Variants in TRIM24 observed in about 807,000 individuals in gnomAD.
TRIM24 encodes transcription intermediary factor 1-alpha.
A neutral mutation model predicts 123.9 loss-of-function variants in TRIM24; 29 were observed. The observed-to-expected ratio is 0.23, with a 90% CI of 0.17 to 0.32. TRIM24 has a LOEUF of 0.32. Among genes scored for constraint, TRIM24 ranks in the 10% least tolerant of loss-of-function variants. TRIM24 has a pLI of 1.00. For synonymous variants in TRIM24, 456 were observed against 461.1 expected (o/e 0.99, Z 0.14); for missense variants, 932 against 1,295.3 (o/e 0.72, Z 4.31).
In TRIM24 at chr7:138,579,539, T is replaced by C. The variant is rs375874698; in HGVS notation, c.2585+7T>C. On this transcript the variant is annotated splice_region_variant and intron_variant, in intron 15 of 18. Transcript: ENST00000343526. ...CATTGACAAATTTTCCAAGGTAAGA[T>C]AGTACTTCCCTTCCCACATTCTTTT... 1.3e-6 allele frequency: 2 copies of C among 1,577,720 alleles called. No individual in the cohort carries two copies. The highest frequency in any genetic ancestry group is 1.7e-6 in the Non-Finnish European group (2 of 1,158,814).
At chr7:138,464,653 CATAAAT>C (rs1394822664) in intron 1 of TRIM24, among the ~76,000 whole-genome samples, 2 of 152,090 alleles carry the variant, frequency 1.3e-5, no homozygotes. Flanking sequence ...TATTTATACA[CATAAAT>C]ATATATACAC....
At chr7:138,575,717 C>T (rs1031462686) in intron 12 of TRIM24, among the ~76,000 whole-genome samples, 1 of 151,808 alleles carries the variant, frequency 6.6e-6, no homozygotes. Flanking sequence ...CAACAGTTTT[C>T]CTTCTTTCTT....
intron 1 of TRIM24, among the ~76,000 whole-genome samples, chr7:138,462,876 A>AT (rs997406122): frequency 7.1e-4 from 103 of 144,954 alleles, no homozygotes; most frequent in East Asian, 1.6e-3. Flanking sequence ...TTATTTATTT[A>AT]TTTTTTTTTT....
Position 138,583,996 on chromosome 7 carries a change from T to TGAGGTGAGGC in TRIM24, c.2941_2943+7dup. On this transcript the variant is annotated frameshift_variant, in exon 18 of 19. Coordinates refer to ENST00000343526, the MANE Select transcript of TRIM24 (RefSeq NM_015905.3). LOFTEE classifies it high-confidence loss of function. Reference sequence around the variant, plus strand: ...TCTTTCAAAACTGTGCTGAATTCAATGAGGTGAGGCTAGGGGAGGGAAGGG... The same window carrying TGAGGTGAGGC: ...TCTTTCAAAACTGTGCTGAATTCAATGAGGTGAGGCGAGGTGAGGCTAGGGGAGGGAAGGG... 1 of 1,606,772 alleles carries TGAGGTGAGGC rather than the reference T, an allele frequency of 6.2e-7. No individual in the cohort carries two copies. The highest frequency in any genetic ancestry group is 8.5e-7 in the Non-Finnish European group (1 of 1,177,892).
chr7:138,563,156 T>C (rs919325677), intron 9 of TRIM24, among the ~76,000 whole-genome samples: 1 of 152,208 alleles, frequency 6.6e-6, no homozygotes, highest in South Asian at 2.1e-4. Context: ...AATGTGACCA[T>C]GGGCTCCTGG....
chr7:138,537,379 G>GTTTTTTTTT lies in TRIM24; in HGVS notation c.997-1257_997-1249dup, dbSNP rs71177994. 3.4e-3 allele frequency among the ~76,000 whole-genome samples: 190 copies of GTTTTTTTTT among 56,634 alleles called. 28 individuals carry two copies. The highest frequency in any genetic ancestry group is 5.6e-3 in the African/African-American group (78 of 14,008). 37.2% of individuals were successfully genotyped at this position (56,634 alleles called of 152,430 possible). On this transcript the variant is annotated intron_variant, in intron 6 of 18. Transcript: ENST00000343526. ...AACCACTCCTCCGCCACCCCTGTTT[G>GTTTTTTTTT]TTTTTTTTTTTTTTTTTTTTTTTTT...
At chr7:138,578,532 T>TTGTGTGTG (rs142839380) in intron 14 of TRIM24, among the ~76,000 whole-genome samples, 83 of 146,892 alleles carry the variant, frequency 5.7e-4, no homozygotes, top group African/African-American at 1.7e-3. Context: ...GGTGGTGGTT[T>TTGTGTGTG]TGTGTGTGTG....
intron 1 of TRIM24, among the ~76,000 whole-genome samples, chr7:138,497,251 A>G (rs1795927000): frequency 6.6e-6 from 1 of 151,966 alleles, no homozygotes; most frequent in Admixed American, 6.6e-5. Context: ...TCTTTTTTGT[A>G]GAGAAGGAGT....
chr7:138,515,374 C>A lies in TRIM24; in HGVS notation c.631+15C>A, dbSNP rs754691901. On this transcript the variant is annotated intron_variant, in intron 3 of 18. Coordinates refer to ENST00000343526, the MANE Select transcript of TRIM24 (RefSeq NM_015905.3). ...AGTATCTCCAGGTAATAAATGAGAT[C>A]TTTGCATTTTTTTCCTTCTATCTTT... is the stretch of plus-strand genomic sequence containing the variant. 3.1e-6 allele frequency: 5 copies of A among 1,608,302 alleles called. No homozygotes were observed. In the East Asian group the frequency reaches 8.9e-5, roughly 29 times the overall value.
chr7:138,571,210 A>G (rs1797648779), intron 11 of TRIM24, among the ~76,000 whole-genome samples: 1 of 152,200 alleles, frequency 6.6e-6, no homozygotes, highest in African/African-American at 2.4e-5. Flanking sequence ...ACACGCCTGT[A>G]ATCCCAGCTA....
intron 2 of TRIM24, among the ~76,000 whole-genome samples, chr7:138,506,602 A>C (rs751482709): frequency 6.6e-6 from 1 of 152,218 alleles, no homozygotes; most frequent in Non-Finnish European, 1.5e-5. Context: ...AAGGGATTCT[A>C]ATCCAAAGGA....
chr7:138,516,585 C>T (rs1384886759), intron 3 of TRIM24, among the ~76,000 whole-genome samples: 1 of 152,108 alleles, frequency 6.6e-6, no homozygotes, highest in Non-Finnish European at 1.5e-5. Context: ...GAACTCCTGA[C>T]CTCAAGTAAT....
intron 11 of TRIM24, among the ~76,000 whole-genome samples, chr7:138,572,602 A>G (rs771931456): frequency 2.2e-4 from 34 of 152,216 alleles, no homozygotes; most frequent in Admixed American, 7.9e-4. Flanking sequence ...AAGGTGCTTC[A>G]TAACTAGTAC....
At chr7:138,477,890 T>C (rs1795438818) in intron 1 of TRIM24, among the ~76,000 whole-genome samples, 1 of 152,150 alleles carries the variant, frequency 6.6e-6, no homozygotes, top group Non-Finnish European at 1.5e-5. Flanking sequence ...ACTGTTTGAT[T>C]AGCTGATATA....
chr7:138,552,658 A>G (rs534799709), intron 8 of TRIM24, among the ~76,000 whole-genome samples: 3 of 152,172 alleles, frequency 2.0e-5, no homozygotes, highest in Non-Finnish European at 2.9e-5. Context: ...GGCTGGAGAA[A>G]GAGCCCATAC....
chr7:138,462,955 T>C (rs1408156861), intron 1 of TRIM24, among the ~76,000 whole-genome samples: 2 of 150,710 alleles, frequency 1.3e-5, no homozygotes, highest in Non-Finnish European at 3.0e-5. Context: ...CCGCAACCTC[T>C]GCCTCCTAGG....
At chr7:138,476,761 G>T (rs1456622015) in intron 1 of TRIM24, among the ~76,000 whole-genome samples, 1 of 152,102 alleles carries the variant, frequency 6.6e-6, no homozygotes, top group Non-Finnish European at 1.5e-5. Context: ...AAATGCAAAT[G>T]CATTTCCTCA....
chr7:138,569,484 G>T (rs115075205), intron 10 of TRIM24, among the ~76,000 whole-genome samples: 3 of 152,306 alleles, frequency 2.0e-5, no homozygotes, highest in Admixed American at 6.5e-5. Context: ...GTGAGGAAAA[G>T]CATGTTATAG....
Position 138,471,056 on chromosome 7 carries a change from G to A in TRIM24, c.364+10144G>A, listed in dbSNP as rs559389264. Among the ~76,000 whole-genome samples, 4 of 152,274 alleles carry A rather than the reference G, an allele frequency of 2.6e-5. No individual in the cohort carries two copies. In the South Asian group the frequency reaches 6.2e-4, roughly 24 times the overall value. Reference sequence around the variant, plus strand: ...AGGTTAACAACTGATTATCTAACCAGATCTAACAAGAAGTGGGCCTAAAAG... The same window carrying A: ...AGGTTAACAACTGATTATCTAACCAAATCTAACAAGAAGTGGGCCTAAAAG... On this transcript the variant is annotated intron_variant, in intron 1 of 18. Coordinates refer to ENST00000343526, the MANE Select transcript of TRIM24 (RefSeq NM_015905.3).
Sources: gnomAD v4.1 joint callset for allele counts (sites outside exome capture counted in the v4.1 genomes callset) on GRCh38, gnomAD v4.1.1 for gene constraint, MANE v1.5 for transcripts, NCBI Gene and HGNC (gene_info 2026-07-23, HGNC 2026-07-21) for gene names.